PHLPP1: variants seen among roughly 807,000 people sequenced by gnomAD.
PHLPP1 encodes the protein PH domain and leucine rich repeat protein phosphatase 1, also known as PH domain leucine-rich repeat-containing protein phosphatase 1.
Under a neutral mutation model 117.2 loss-of-function variants are expected in PHLPP1, and 42 were observed. That is an observed-to-expected ratio of 0.36 (90% CI 0.28 to 0.46). PHLPP1 has a LOEUF of 0.46. Ranked by LOEUF, PHLPP1 falls within the 20% of genes least tolerant of loss-of-function variation. PHLPP1 has a pLI of 1.00. For synonymous variants in PHLPP1, 1,042 were observed against 970.7 expected (o/e 1.07, Z -1.37); for missense variants, 2,084 against 2,241.9 (o/e 0.93, Z 1.42).
At chr18:62,777,358 G>A (rs2062496424) in intron 1 of PHLPP1, among the ~76,000 whole-genome samples, 1 of 152,008 alleles carries the variant, frequency 6.6e-6, no homozygotes, top group African/African-American at 2.4e-5. Context: ...TGTGAGTTTA[G>A]ATCTTTTGCC....
intron 1 of PHLPP1, among the ~76,000 whole-genome samples, chr18:62,796,780 A>T (rs1913640833): frequency 6.6e-6 from 1 of 152,250 alleles, no homozygotes; most frequent in South Asian, 2.1e-4. Flanking sequence ...TTTGTTAAAA[A>T]CATGAACAAA....
intron 1 of PHLPP1, among the ~76,000 whole-genome samples, chr18:62,774,725 A>G (rs1347179960): frequency 1.3e-5 from 2 of 152,176 alleles, no homozygotes; most frequent in South Asian, 2.1e-4. Context: ...TGTGGTGTCA[A>G]CCTGCCAACA....
chr18:62,742,719 C>A (rs971469877), intron 1 of PHLPP1, among the ~76,000 whole-genome samples: 5 of 152,190 alleles, frequency 3.3e-5, no homozygotes, highest in Non-Finnish European at 2.9e-5. Flanking sequence ...CAGGTGTGAA[C>A]CACTGCAGCT....
At chr18:62,905,584 T>A (rs1916828398) in intron 8 of PHLPP1, among the ~76,000 whole-genome samples, 1 of 152,180 alleles carries the variant, frequency 6.6e-6, no homozygotes, top group Admixed American at 6.5e-5. Flanking sequence ...ATGAATCATA[T>A]TTTTTTGTCT....
chr18:62,964,680 C>T (rs1910856426), intron 14 of PHLPP1, among the ~76,000 whole-genome samples: 1 of 152,152 alleles, frequency 6.6e-6, no homozygotes, highest in African/African-American at 2.4e-5. Flanking sequence ...TGTGTTGGGA[C>T]AGAGGAGAAT....
intron 1 of PHLPP1, among the ~76,000 whole-genome samples, chr18:62,738,794 A>G (rs185156055): frequency 6.8e-4 from 103 of 152,350 alleles, no homozygotes; most frequent in Admixed American, 6.1e-3. Context: ...GTACTCATCT[A>G]TTTTTGGACT....
intron 14 of PHLPP1, among the ~76,000 whole-genome samples, chr18:62,968,192 C>T (rs1910956871): frequency 6.6e-6 from 1 of 152,132 alleles, no homozygotes; most frequent in Non-Finnish European, 1.5e-5. Flanking sequence ...GTCTATATTC[C>T]ATGGTGGATA....
At chr18:62,861,660 G>A (rs572449059) in intron 4 of PHLPP1, among the ~76,000 whole-genome samples, 32 of 152,350 alleles carry the variant, frequency 2.1e-4, no homozygotes, top group African/African-American at 7.7e-4. Context: ...GAATTAAAAT[G>A]TGATAACCAT....
At chr18:62,952,874 G>A (rs577861) in intron 12 of PHLPP1, among the ~76,000 whole-genome samples, 71,529 of 151,880 alleles carry the variant, frequency 0.47, 18,209 homozygotes, top group African/African-American at 0.65. Flanking sequence ...CTTCCACAAC[G>A]GTCTCCCAAA....
chr18:62,753,996 T>G (rs1352552921), intron 1 of PHLPP1, among the ~76,000 whole-genome samples: 2 of 152,198 alleles, frequency 1.3e-5, no homozygotes, highest in Non-Finnish European at 2.9e-5. Context: ...ATAAAGGCTG[T>G]GTGGTGAAAG....
At chr18:62,921,948 C>G (rs1221702085) in intron 10 of PHLPP1, among the ~76,000 whole-genome samples, 1 of 152,108 alleles carries the variant, frequency 6.6e-6, no homozygotes, top group Non-Finnish European at 1.5e-5. Context: ...TTTCAGTGTA[C>G]TCATGTAAGT....
At chr18:62,836,175 G>A (rs1282595263) in intron 2 of PHLPP1, among the ~76,000 whole-genome samples, 1 of 151,712 alleles carries the variant, frequency 6.6e-6, no homozygotes, top group African/African-American at 2.4e-5. Flanking sequence ...GGTGGCTGAT[G>A]TCTGTAATCC....
intron 10 of PHLPP1, among the ~76,000 whole-genome samples, chr18:62,926,224 A>C (rs922621631): frequency 6.6e-6 from 1 of 152,006 alleles, no homozygotes; most frequent in Non-Finnish European, 1.5e-5. Flanking sequence ...TATTTCTCCC[A>C]AAAAAATCTA....
At chr18:62,970,633 C>T (rs1437598026) in intron 14 of PHLPP1, among the ~76,000 whole-genome samples, 3 of 152,036 alleles carry the variant, frequency 2.0e-5, no homozygotes, top group South Asian at 2.1e-4. Flanking sequence ...GGCGTGGTGG[C>T]GGGTGCCTGT....
intron 3 of PHLPP1, among the ~76,000 whole-genome samples, chr18:62,841,317 G>C (rs1599076732): frequency 7.0e-6 from 1 of 142,976 alleles, no homozygotes; most frequent in Non-Finnish European, 1.5e-5. Flanking sequence ...TCACTTTTCT[G>C]TTTTTCTTTC....
Position 62,715,690 on chromosome 18 carries a change from C to G in PHLPP1, c.7C>G (p.Pro3Ala). 1.5e-6 allele frequency: 2 copies of G among 1,291,258 alleles called. No individual in the cohort carries two copies. Among genetic ancestry groups the G allele is most frequent in the Non-Finnish European group, 2.0e-6 (2 of 1,017,098 alleles). 80.0% of individuals were successfully genotyped at this position (1,291,258 alleles called of 1,614,324 possible). Residue 3 changes from proline (P) to alanine (A), a missense_variant, in exon 1 of 17, where the codon CCC becomes GCC. Around this residue, in one of 2 missense-constraint regions of PHLPP1, gnomAD observed 719 missense variants for 636.0 expected, o/e 1.13. Transcript: ENST00000262719. MEPAAAATVQRLP... is the reference protein window; with the variant it reads MEAAAAATVQRLP... Reference sequence around the variant, plus strand: ...AACGCGAAGCCCCACTGCAATGGAGCCCGCCGCCGCGGCCACGGTACAGCG... The same window carrying G: ...AACGCGAAGCCCCACTGCAATGGAGGCCGCCGCCGCGGCCACGGTACAGCG...
intron 1 of PHLPP1, among the ~76,000 whole-genome samples, chr18:62,763,769 G>A (rs912536082): frequency 1.8e-4 from 28 of 152,054 alleles, no homozygotes; most frequent in African/African-American, 6.8e-4. Context: ...CTCTGTCTTC[G>A]TGACTTTTCC....
At chr18:62,724,423 T>G (rs900564592) in intron 1 of PHLPP1, among the ~76,000 whole-genome samples, 5 of 152,220 alleles carry the variant, frequency 3.3e-5, no homozygotes. Context: ...GCACTGTTAC[T>G]TTGGACAGGT....
rs746578945 is a variant in PHLPP1, at chr18:62,979,088, C to A, written c.4811C>A (p.Pro1604Gln). 6.2e-7 allele frequency: 1 copy of A among 1,613,854 alleles called. No individual in the cohort carries two copies. Among genetic ancestry groups the A allele is most frequent in the Non-Finnish European group, 8.5e-7 (1 of 1,179,826 alleles). ...GTCATCAGCGCCAACGAGGATGAGC[C>A]AGGTCTGCCCAGGAAGGCAGACTTC... ...GIVISANEDE[P>Q]GLPRKADFSA... Residue 1604 changes from proline (P) to glutamine (Q), a missense_variant, in exon 17 of 17, where the codon CCA (proline) becomes CAA (glutamine). Physicochemically the swap from Pro to Gln is moderately conservative, Grantham distance 76 (BLOSUM62 -1). Transcript: ENST00000262719.
Sources: allele counts gnomAD v4.1 joint callset (sites outside exome capture counted in the v4.1 genomes callset), GRCh38; gene constraint gnomAD v4.1.1; regional missense constraint gnomAD v4.1.1; transcripts MANE v1.5; gene names NCBI Gene and HGNC (gene_info 2026-07-23, HGNC 2026-07-21).